The following SUGCT variants were observed in gnomAD, a reference collection of about 807,000 sequenced individuals.
The protein encoded by SUGCT is succinyl-CoA:glutarate-CoA transferase.
A neutral mutation model predicts 55.0 loss-of-function variants in SUGCT; 41 were observed. The ratio of observed to expected loss-of-function variants is 0.74; its 90% CI spans 0.58 to 0.97. The LOEUF is 0.97. Among genes scored for constraint, SUGCT ranks in the 50% least tolerant of loss-of-function variants. The pLI is 0.00. For missense variants in SUGCT, 568 were observed against 547.8 expected (o/e 1.04, Z -0.37); for synonymous variants, 187 against 200.4 (o/e 0.93, Z 0.56).
At chr7:41,001,002 G>A in the SUGCT span, among the ~76,000 whole-genome samples, 8 of 152,198 alleles carry the variant, frequency 5.3e-5, no homozygotes, top group African/African-American at 1.4e-4. Context: ...AATTCTTGCT[G>A]TGGCAGTTTC....
chr7:40,255,678 A>G (rs1484734947), intron 7 of SUGCT, among the ~76,000 whole-genome samples: 2 of 150,708 alleles, frequency 1.3e-5, no homozygotes, highest in Admixed American at 6.6e-5. Context: ...AAAAAAAAAA[A>G]AAAAAAAAAG....
chr7:40,345,898 T>A (rs899927799), intron 9 of SUGCT, among the ~76,000 whole-genome samples: 5 of 152,160 alleles, frequency 3.3e-5, no homozygotes, highest in African/African-American at 1.2e-4. Flanking sequence ...ACATCTATTT[T>A]GAAAAAGAAA....
At chr7:40,688,552 T>C (rs1190013923) in intron 12 of SUGCT, among the ~76,000 whole-genome samples, 1 of 152,042 alleles carries the variant, frequency 6.6e-6, no homozygotes, top group Non-Finnish European at 1.5e-5. Flanking sequence ...AATATATATA[T>C]AATATTTAAA....
chr7:40,424,913 T>C (rs556719358), intron 9 of SUGCT, among the ~76,000 whole-genome samples: 1 of 152,208 alleles, frequency 6.6e-6, no homozygotes, highest in South Asian at 2.1e-4. Context: ...TCAGACCCAA[T>C]GGTAGGTACT....
At chr7:40,809,070 C>T in intron 13 of SUGCT, among the ~76,000 whole-genome samples, 1 of 152,164 alleles carries the variant, frequency 6.6e-6, no homozygotes, top group East Asian at 1.9e-4. Context: ...TGGGTTATTG[C>T]TATCAAAAAC....
At chr7:40,634,226 C>T (rs1425728336) in intron 12 of SUGCT, among the ~76,000 whole-genome samples, 1 of 152,200 alleles carries the variant, frequency 6.6e-6, no homozygotes, top group Admixed American at 6.5e-5. Context: ...TGAAAAAACA[C>T]ATGGCGAGCT....
intron 12 of SUGCT, among the ~76,000 whole-genome samples, chr7:40,733,826 T>C (rs1221838087): frequency 6.6e-6 from 1 of 152,218 alleles, no homozygotes; most frequent in Non-Finnish European, 1.5e-5. Flanking sequence ...AGATATTGTA[T>C]GTGCCACGAC....
rs1280445057 is a variant in SUGCT, at chr7:40,367,277, AGG to A, written c.816+50428_816+50429del. On this transcript the variant is annotated intron_variant, in intron 9 of 13. Transcript: ENST00000335693. The stretch of plus-strand genomic sequence containing the variant: ...CCGGGGACTGTTGTGGGGTGGGGGG[AGG>A]GGGGGAGGAATAGCATTAGGAGATA... Among the ~76,000 whole-genome samples the A allele has an allele frequency of 7.6e-5, 6 of 78,848 alleles. No individual in the cohort carries two copies. The East Asian group carries it at 1.6e-3, about 20-fold the overall frequency. 51.7% of individuals were successfully genotyped at this position (78,848 alleles called of 152,430 possible).
rs1791860063 is a variant in SUGCT at position 40,819,430 on chromosome 7, A to G, written c.1154-40886A>G. 2.6e-5 allele frequency among the ~76,000 whole-genome samples: 4 copies of G among 152,144 alleles called. No individual in the cohort carries two copies. The South Asian group carries it at 8.3e-4, about 32-fold the overall frequency. On this transcript the variant is annotated intron_variant, in intron 13 of 13. Coordinates refer to ENST00000335693, the MANE Select transcript of SUGCT (RefSeq NM_001193313.2). The stretch of plus-strand genomic sequence containing the variant: ...CCTCTCCAGCACCTGTTGTTTCCTG[A>G]TTTTTTAATGATCGCCATTCTGACT...
chr7:40,440,901 TGAGCTAG>T (rs1025280709), intron 9 of SUGCT, among the ~76,000 whole-genome samples: 6 of 151,806 alleles, frequency 4.0e-5, no homozygotes, highest in African/African-American at 1.5e-4. Context: ...GAGACTGCAG[TGAGCTAG>T]GATTATGCCA....
chr7:40,396,590 A>G (rs968690867), intron 9 of SUGCT, among the ~76,000 whole-genome samples: 4 of 152,206 alleles, frequency 2.6e-5, no homozygotes, highest in African/African-American at 7.2e-5. Flanking sequence ...TAAGAGTAAG[A>G]TTAATAATGG....
chr7:40,338,174 C>T (rs1377048375), intron 9 of SUGCT, among the ~76,000 whole-genome samples: 1 of 152,056 alleles, frequency 6.6e-6, no homozygotes, highest in Non-Finnish European at 1.5e-5. Flanking sequence ...CTCTGGCTGC[C>T]CTTAACATTT....
At chr7:40,623,346 A>G (rs1368699106) in intron 12 of SUGCT, among the ~76,000 whole-genome samples, 1 of 152,164 alleles carries the variant, frequency 6.6e-6, no homozygotes, top group African/African-American at 2.4e-5. Flanking sequence ...TTTATCCCAT[A>G]ATACTAAATT....
the SUGCT span, among the ~76,000 whole-genome samples, chr7:41,035,039 C>G: frequency 6.6e-6 from 1 of 152,194 alleles, no homozygotes; most frequent in Non-Finnish European, 1.5e-5. Context: ...CTGATCTGGC[C>G]TTTGTCCCCA....
chr7:40,483,716 A>T (rs969956281), intron 11 of SUGCT, among the ~76,000 whole-genome samples: 27 of 152,208 alleles, frequency 1.8e-4, no homozygotes, highest in African/African-American at 5.3e-4. Context: ...AAAAAGAATA[A>T]AACAGGACAA....
chr7:40,659,203 C>G (rs1801181411), intron 12 of SUGCT, among the ~76,000 whole-genome samples: 1 of 152,148 alleles, frequency 6.6e-6, no homozygotes, highest in Admixed American at 6.5e-5. Context: ...CCCATAGTTT[C>G]CCTGGGTCAG....
intron 12 of SUGCT, among the ~76,000 whole-genome samples, chr7:40,526,310 G>A (rs1793794017): frequency 6.6e-6 from 1 of 152,130 alleles, no homozygotes; most frequent in African/African-American, 2.4e-5. Context: ...TAAGTAATAT[G>A]CCATGAAGAA....
At chr7:41,014,046 G>T in the SUGCT span, among the ~76,000 whole-genome samples, 1 of 152,098 alleles carries the variant, frequency 6.6e-6, no homozygotes, top group Non-Finnish European at 1.5e-5. Flanking sequence ...GGAGGCTTTG[G>T]CTGGAGAAAC....
intron 12 of SUGCT, among the ~76,000 whole-genome samples, chr7:40,656,155 G>A (rs1035069958): frequency 6.6e-6 from 1 of 151,870 alleles, no homozygotes; most frequent in African/African-American, 2.4e-5. Context: ...GCAAGATTAA[G>A]TAACATTCCC....
Sources: allele counts gnomAD v4.1 joint callset (sites outside exome capture counted in the v4.1 genomes callset), GRCh38; gene constraint gnomAD v4.1.1; transcripts MANE v1.5; gene names NCBI Gene and HGNC (gene_info 2026-07-23, HGNC 2026-07-21).